DOCK4: variants seen among roughly 807,000 people sequenced by gnomAD.
DOCK4 encodes dedicator of cytokinesis 4.
DOCK4 carries 97 observed loss-of-function variants against 268.1 expected under a neutral mutation model. The observed-to-expected ratio is 0.36, with a 90% CI of 0.31 to 0.43. The LOEUF is 0.43. DOCK4 is among the 20% of genes least tolerant of loss of function. The pLI, the probability that DOCK4 is intolerant of heterozygous loss-of-function variation, is 1.00. For synonymous variants in DOCK4, 954 were observed against 887.2 expected (o/e 1.08, Z -1.34); for missense variants, 2,145 against 2,455.7 (o/e 0.87, Z 2.67).
intron 23 of DOCK4, among the ~76,000 whole-genome samples, chr7:111,852,274 A>G (rs1804637164): frequency 6.6e-6 from 1 of 152,078 alleles, no homozygotes; most frequent in South Asian, 2.1e-4. Context: ...GGAGTCTCCT[A>G]TTTCTTTTGA....
At chr7:112,033,271 T>C (rs1246064576) in intron 1 of DOCK4, among the ~76,000 whole-genome samples, 1 of 152,162 alleles carries the variant, frequency 6.6e-6, no homozygotes, top group African/African-American at 2.4e-5. Context: ...ATCATTTTTA[T>C]GGCCCATTAC....
At chr7:112,134,885 C>T (rs16873352) in intron 1 of DOCK4, among the ~76,000 whole-genome samples, 40,568 of 152,068 alleles carry the variant, frequency 0.27, 6,505 homozygotes, top group East Asian at 0.48. Context: ...TTCCATTTCT[C>T]AGAATAAAAA....
rs1053623659 is a variant in DOCK4, at chr7:111,775,109, G to A, written c.3679+3167C>T. On this transcript the variant is annotated intron_variant, in intron 36 of 52. Coordinates refer to ENST00000428084, the MANE Select transcript of DOCK4 (RefSeq NM_001363540.2). ...GGTTTTGAAAGATTTCTAGGCAACA[G>A]AATTAATAGAACTTCATGAATGATT... is the stretch of plus-strand genomic sequence containing the variant. Among the ~76,000 whole-genome samples, 5 of 152,326 alleles carry A rather than the reference G, an allele frequency of 3.3e-5. No individual in the cohort carries two copies. In the South Asian group the frequency reaches 8.3e-4, roughly 25 times the overall value.
intron 1 of DOCK4, among the ~76,000 whole-genome samples, chr7:112,152,141 C>T (rs945101560): frequency 6.6e-6 from 1 of 152,082 alleles, no homozygotes; most frequent in Non-Finnish European, 1.5e-5. Context: ...AAGGCACATG[C>T]TCAACTTTAA....
intron 1 of DOCK4, among the ~76,000 whole-genome samples, chr7:112,070,043 T>A (rs533625310): frequency 6.6e-6 from 1 of 152,082 alleles, no homozygotes. Context: ...ATTGAAGGAT[T>A]TGGAGCAGTC....
intron 6 of DOCK4, among the ~76,000 whole-genome samples, chr7:111,988,410 T>C (rs942501396): frequency 6.6e-6 from 1 of 152,228 alleles, no homozygotes. Context: ...ACCATTTTAG[T>C]ACCTGGCTGG....
intron 26 of DOCK4, among the ~76,000 whole-genome samples, chr7:111,826,418 G>A (rs1263334578): frequency 2.0e-5 from 3 of 152,166 alleles, no homozygotes; most frequent in African/African-American, 7.2e-5. Context: ...TCGAATTTGT[G>A]TTTTAGATTT....
At chr7:111,976,161 A>AAAAAAATATATATATATATAT (rs1554400643) in intron 8 of DOCK4, among the ~76,000 whole-genome samples, 1 of 34,014 alleles carries the variant, frequency 2.9e-5, no homozygotes, top group African/African-American at 1.5e-4. Context: ...AAAAAAAAAA[A>AAAAAAATATATATATATATAT]ATATATATAT....
chr7:111,811,793 C>T (rs2133913333), intron 28 of DOCK4, 81 bp downstream of exon 28: 2 of 853,604 alleles, frequency 2.3e-6, no homozygotes, highest in South Asian at 3.1e-5. Flanking sequence ...TAATACGGCC[C>T]AAGAAAATGT....
At chr7:112,103,710 C>T (rs921204060) in intron 1 of DOCK4, among the ~76,000 whole-genome samples, 21 of 152,144 alleles carry the variant, frequency 1.4e-4, no homozygotes, top group Admixed American at 8.5e-4. Flanking sequence ...GGCGAAACCC[C>T]GTCTTTACTA....
intron 1 of DOCK4, among the ~76,000 whole-genome samples, chr7:112,083,984 T>G (rs1272409461): frequency 6.6e-6 from 1 of 152,196 alleles, no homozygotes; most frequent in African/African-American, 2.4e-5. Context: ...CTTGCACAGT[T>G]GGGCTAACAC....
chr7:111,741,910 G>T, intron 45 of DOCK4, 103 bp downstream of exon 45: 2 of 1,431,908 alleles, frequency 1.4e-6, no homozygotes, highest in Non-Finnish European at 1.9e-6. Flanking sequence ...GTGCAGTTTG[G>T]TAGAAAAACC....
chr7:112,115,633 T>TCATTCATCCATC (rs1554448923), intron 1 of DOCK4, among the ~76,000 whole-genome samples: 1 of 32,188 alleles, frequency 3.1e-5, no homozygotes, highest in African/African-American at 7.5e-4. Flanking sequence ...ATCCACCCAT[T>TCATTCATCCATC]CATCCATCCA....
chr7:111,932,442 A>G (rs1236642824), intron 12 of DOCK4, among the ~76,000 whole-genome samples: 2 of 152,184 alleles, frequency 1.3e-5, no homozygotes, highest in Non-Finnish European at 2.9e-5. Flanking sequence ...CAACTCTTCT[A>G]TTCACAGTTA....
chr7:111,993,025 C>T (rs765973875), intron 5 of DOCK4, among the ~76,000 whole-genome samples: 1 of 152,190 alleles, frequency 6.6e-6, no homozygotes, highest in African/African-American at 2.4e-5. Context: ...TATGCTCCGC[C>T]AATTCACCTA....
At chr7:111,989,223 A>G in intron 5 of DOCK4, 60 bp from the exon 6 acceptor site, 1 of 1,591,968 alleles carries the variant, frequency 6.3e-7, no homozygotes. Context: ...TTGTGGGGTA[A>G]CCAAAAAGGA....
At chr7:112,057,438 C>G (rs1026202391) in intron 1 of DOCK4, among the ~76,000 whole-genome samples, 13 of 151,882 alleles carry the variant, frequency 8.6e-5, no homozygotes, top group Non-Finnish European at 1.5e-4. Flanking sequence ...GTAGTCCCAG[C>G]TGCTCTGGAG....
At chr7:111,991,987 A>T (rs1339460238) in intron 5 of DOCK4, among the ~76,000 whole-genome samples, 1 of 139,232 alleles carries the variant, frequency 7.2e-6, no homozygotes, top group Non-Finnish European at 1.6e-5. Flanking sequence ...AAAAAAAAAA[A>T]AGTGCCTGGC....
intron 7 of DOCK4, among the ~76,000 whole-genome samples, chr7:111,980,381 T>G (rs1253063779): frequency 1.3e-5 from 2 of 152,230 alleles, no homozygotes; most frequent in African/African-American, 4.8e-5. Context: ...AAGTTCACAC[T>G]TCAAGGGCTT....
Sources: gnomAD v4.1 joint callset for allele counts (sites outside exome capture counted in the v4.1 genomes callset) on GRCh38, gnomAD v4.1.1 for gene constraint, MANE v1.5 for transcripts, NCBI Gene and HGNC (gene_info 2026-07-23, HGNC 2026-07-21) for gene names.